Variants in ARHGEF16 observed in about 807,000 individuals in gnomAD.
ARHGEF16 encodes the protein Rho guanine nucleotide exchange factor 16, also known as Rho guanine exchange factor (GEF) 16.
Under a neutral mutation model 74.1 loss-of-function variants are expected in ARHGEF16, and 59 were observed. The observed-to-expected ratio is 0.80, with a 90% CI of 0.65 to 0.99. The LOEUF is 0.99. Ranked by LOEUF, ARHGEF16 falls within the 50% of genes least tolerant of loss-of-function variation. ARHGEF16 has a pLI of 0.00. For missense variants in ARHGEF16, 948 were observed against 986.6 expected (o/e 0.96, Z 0.52); for synonymous variants, 415 against 412.6 (o/e 1.01, Z -0.07).
chr1:3,468,612 T>A, intron 4 of ARHGEF16: 1 of 502,250 alleles, frequency 2.0e-6, no homozygotes, highest in Non-Finnish European at 3.6e-6. Flanking sequence ...GGCCTCTCCC[T>A]CTGGATGCCC....
At chr1:3,470,963 T>C (rs1044031858) in intron 6 of ARHGEF16, among the ~76,000 whole-genome samples, 3 of 143,452 alleles carry the variant, frequency 2.1e-5, no homozygotes, top group African/African-American at 7.9e-5. Flanking sequence ...TGGGTGTGTG[T>C]GCCTGGCCAG....
intron 8 of ARHGEF16, chr1:3,474,020 G>A (rs1392908840): frequency 9.1e-6 from 2 of 219,894 alleles, no homozygotes; most frequent in Non-Finnish European, 9.1e-6. Context: ...ACGCACACAT[G>A]TATATACAGT....
chr1:3,480,602 G>C lies in ARHGEF16; in HGVS notation c.*15G>C. The C allele has an allele frequency of 1.2e-6, 2 of 1,600,342 alleles. No individual in the cohort carries two copies. The highest frequency in any genetic ancestry group is 1.1e-5 in the South Asian group (1 of 90,864). ...CGGACGTGTAGCCCTGGCGAGGCCA[G>C]CCGGCGGCAGCACAGCCTGTCTCCA... is the stretch of plus-strand genomic sequence containing the variant. On this transcript the variant is annotated 3_prime_UTR_variant, in exon 15 of 15. Coordinates refer to ENST00000378378, the MANE Select transcript of ARHGEF16 (RefSeq NM_014448.4).
At chr1:3,457,313 G>A (rs946861314) in intron 1 of ARHGEF16, among the ~76,000 whole-genome samples, 1 of 152,250 alleles carries the variant, frequency 6.6e-6, no homozygotes, top group Non-Finnish European at 1.5e-5. Flanking sequence ...CGCCCCACTG[G>A]GCCGAGTGGG....
chr1:3,472,488 G>GT (rs1382360390), intron 6 of ARHGEF16, among the ~76,000 whole-genome samples: 1 of 152,242 alleles, frequency 6.6e-6, no homozygotes, highest in Non-Finnish European at 1.5e-5. Flanking sequence ...GGGGGACCTA[G>GT]TGAAAGTAAA....
chr1:3,476,062 G>A lies in ARHGEF16; in HGVS notation c.1473G>A (p.Lys491=), dbSNP rs762005626. The part of the protein sequence containing the change: ...LHTQLDFSKV[K]SLPLISASRW... Reference sequence around the variant, plus strand: ...CACAGCTGGACTTCAGCAAGGTCAAGGTAGGTGGCCCCGGACATCAGGGCC... The same window carrying A: ...CACAGCTGGACTTCAGCAAGGTCAAAGTAGGTGGCCCCGGACATCAGGGCC... The change falls in exon 10 of 15, where the codon AAG becomes AAA. Residue 491 remains lysine, a splice_region_variant and synonymous_variant. Coordinates refer to ENST00000378378, the MANE Select transcript of ARHGEF16 (RefSeq NM_014448.4). The A allele has an allele frequency of 2.6e-6, 4 of 1,550,984 alleles. No individual in the cohort carries two copies. The highest frequency in any genetic ancestry group is 3.5e-6 in the Non-Finnish European group (4 of 1,147,146).
At chr1:3,460,688 G>A (rs904975669) in intron 1 of ARHGEF16, among the ~76,000 whole-genome samples, 1 of 152,152 alleles carries the variant, frequency 6.6e-6, no homozygotes, top group Non-Finnish European at 1.5e-5. Context: ...ACTGTGAGCG[G>A]GTGATCCTGG....
chr1:3,478,509 G>C lies in ARHGEF16; in HGVS notation c.1711G>C (p.Gly571Arg), dbSNP rs368261361. The stretch of plus-strand genomic sequence containing the variant: ...AGAGCCGTCTGAGCTCCCTCTGCCC[G>C]GGGGCGGCAACCGTAGCTCCTCCGT... ...KIEPSELPLP[G>R]GGNRSSSVPH... Residue 571 changes from glycine (G) to arginine (R), a missense_variant, in exon 12 of 15, where the codon GGG becomes CGG. Transcript: ENST00000378378. 4 of 1,610,192 alleles carry C rather than the reference G, an allele frequency of 2.5e-6. No individual in the cohort carries two copies. The highest frequency in any genetic ancestry group is 2.5e-6 in the Non-Finnish European group (3 of 1,178,094).
intron 10 of ARHGEF16, 109 bp downstream of exon 10, chr1:3,476,171 C>A: frequency 1.7e-6 from 2 of 1,206,256 alleles, no homozygotes; most frequent in Non-Finnish European, 2.3e-6. Flanking sequence ...AGAGTGGGTG[C>A]CTGCCCTCAT....
chr1:3,474,773 C>T lies in ARHGEF16; in HGVS notation c.1371C>T (p.Ala457=). 1 of 1,612,896 alleles carries T rather than the reference C, an allele frequency of 6.2e-7. No homozygotes were observed. The highest frequency in any genetic ancestry group is 8.5e-7 in the Non-Finnish European group (1 of 1,179,974). Residue 457 remains alanine, a synonymous_variant, in exon 9 of 15, where the codon GCC becomes GCT. Coordinates refer to ENST00000378378, the MANE Select transcript of ARHGEF16 (RefSeq NM_014448.4). ...RYKAASRALK[A]ISKLVRQCNE... is the part of the protein sequence containing the mutation. ...AGGCTGCCAGCCGTGCACTGAAGGC[C>T]ATCAGCAAGGTAAGATGGGGCCTGG...
chr1:3,478,246 CCA>C (rs752353343), intron 11 of ARHGEF16, 176 bp from the exon 12 acceptor site: 59 of 913,082 alleles, frequency 6.5e-5, no homozygotes, highest in Non-Finnish European at 9.8e-5. Flanking sequence ...CCGGTGATAG[CCA>C]CGAGGAGGAC....
chr1:3,474,879 C>A, intron 9 of ARHGEF16, 97 bp downstream of exon 9: 1 of 1,111,568 alleles, frequency 9.0e-7, no homozygotes, highest in Non-Finnish European at 1.3e-6. Context: ...GCTGGCTTCC[C>A]CTACCTTCCA....
At chr1:3,456,222 CAT>C (rs1008250026) in intron 1 of ARHGEF16, among the ~76,000 whole-genome samples, 1 of 152,220 alleles carries the variant, frequency 6.6e-6, no homozygotes, top group Non-Finnish European at 1.5e-5. Flanking sequence ...TCCACCTACA[CAT>C]GAGGAAACTG....
rs562450072 is a variant in ARHGEF16 at position 3,466,152 on chromosome 1, C to T, written c.593C>T (p.Thr198Met). The T allele has an allele frequency of 1.3e-5, 20 of 1,548,118 alleles. No homozygotes were observed. In the East Asian group the frequency reaches 1.5e-4, roughly 11 times the overall value. ...CTGTGTCTCTCTTTTGTGCAGAAGA[C>T]GCTGGGGAGGAAACGTGGGCACAAG... ...HTRSPAKNKK[T>M]LGRKRGHKGS... Residue 198 changes from threonine (T) to methionine (M), a missense_variant, in exon 3 of 15, where the codon ACG becomes ATG. Transcript: ENST00000378378.
intron 6 of ARHGEF16, among the ~76,000 whole-genome samples, chr1:3,472,347 C>T (rs891035342): frequency 2.6e-5 from 4 of 152,244 alleles, no homozygotes; most frequent in African/African-American, 9.6e-5. Context: ...TGTTAACTCC[C>T]TTCATCCTGA....
In ARHGEF16 at chr1:3,477,899, C is replaced by T. The variant is rs748140580; in HGVS notation, c.1498C>T (p.Arg500Trp). ...GTCCCTCCCACTGATCTCTGCCTCC[C>T]GGTGGCTGCTGAAGCGCGGAGAGCT... ...VKSLPLISAS[R>W]WLLKRGELFL... Residue 500 changes from arginine to tryptophan, a missense_variant, in exon 11 of 15, where the codon CGG becomes TGG. Transcript: ENST00000378378. 1.4e-5 allele frequency: 23 copies of T among 1,612,514 alleles called. No homozygotes were observed. Among genetic ancestry groups the T allele is most frequent in the South Asian group, 2.2e-5 (2 of 91,076 alleles).
chr1:3,459,148 G>C (rs892397810), intron 1 of ARHGEF16, among the ~76,000 whole-genome samples: 1 of 152,158 alleles, frequency 6.6e-6, no homozygotes, highest in African/African-American at 2.4e-5. Context: ...CCCTACGGGG[G>C]CACATCAGCA....
intron 1 of ARHGEF16, among the ~76,000 whole-genome samples, chr1:3,459,952 T>G (rs1435748089): frequency 2.0e-5 from 3 of 152,210 alleles, no homozygotes; most frequent in Admixed American, 2.0e-4. Flanking sequence ...AGCAGTGGCC[T>G]CCGGGGATCA....
intron 1 of ARHGEF16, 68 bp from the exon 2 acceptor site, chr1:3,462,997 AG>A (rs1449558625): frequency 2.9e-5 from 33 of 1,121,128 alleles, no homozygotes; most frequent in Non-Finnish European, 3.7e-5. Context: ...GCAAAGGGGT[AG>A]GGGGGTGGAC....
Sources: gnomAD v4.1 joint callset for allele counts (sites outside exome capture counted in the v4.1 genomes callset) on GRCh38, gnomAD v4.1.1 for gene constraint, MANE v1.5 for transcripts, NCBI Gene and HGNC (gene_info 2026-07-23, HGNC 2026-07-21) for gene names.